The following ENOX1 variants were observed in gnomAD, a reference collection of about 807,000 sequenced individuals.
ENOX1 encodes ecto-NOX disulfide-thiol exchanger 1.
Under a neutral mutation model 82.5 loss-of-function variants are expected in ENOX1, and 42 were observed. That is an observed-to-expected ratio of 0.51 (90% CI 0.40 to 0.66). The LOEUF (loss-of-function observed/expected upper bound fraction) is 0.66, where lower values mean the gene tolerates loss of function less well. Among genes scored for constraint, ENOX1 ranks in the 30% least tolerant of loss-of-function variants. The probability of loss-of-function intolerance (pLI) is 0.00; values close to 1 mark genes in which losing one functional copy is unlikely to be tolerated. For synonymous variants in ENOX1, 271 were observed against 282.2 expected (o/e 0.96, Z 0.40); for missense variants, 608 against 811.6 (o/e 0.75, Z 3.05).
At chr13:43,757,604 GCCATAGA>G (rs1337891618) in intron 1 of ENOX1, among the ~76,000 whole-genome samples, 1 of 152,174 alleles carries the variant, frequency 6.6e-6, no homozygotes, top group Non-Finnish European at 1.5e-5. Flanking sequence ...GCAAATTAAA[GCCATAGA>G]GAGGTATCAA....
At chr13:43,747,026 G>A (rs1950058227) in intron 1 of ENOX1, among the ~76,000 whole-genome samples, 1 of 152,110 alleles carries the variant, frequency 6.6e-6, no homozygotes, top group Non-Finnish European at 1.5e-5. Context: ...TCAGCTATTG[G>A]GACCTCCCCT....
intron 2 of ENOX1, among the ~76,000 whole-genome samples, chr13:43,640,117 T>G (rs1196086966): frequency 6.6e-6 from 1 of 152,232 alleles, no homozygotes; most frequent in Non-Finnish European, 1.5e-5. Flanking sequence ...AAATTAGTCT[T>G]ACAATATTTT....
chr13:43,229,734 G>A (rs1204446560), intron 15 of ENOX1, among the ~76,000 whole-genome samples: 1 of 152,200 alleles, frequency 6.6e-6, no homozygotes, highest in Non-Finnish European at 1.5e-5. Context: ...ACTGCAAAGG[G>A]AGAAGCGGAC....
chr13:43,645,710 C>T (rs2083867143), intron 2 of ENOX1, among the ~76,000 whole-genome samples: 1 of 139,860 alleles, frequency 7.2e-6, no homozygotes, highest in Admixed American at 7.7e-5. Flanking sequence ...TTTAGTAGAA[C>T]TCAGTAAGTG....
chr13:43,452,610 T>C (rs1275173705), intron 3 of ENOX1, among the ~76,000 whole-genome samples: 1 of 152,046 alleles, frequency 6.6e-6, no homozygotes, highest in Non-Finnish European at 1.5e-5. Context: ...GCAACCTCTG[T>C]CTCCTGGGTT....
intron 2 of ENOX1, among the ~76,000 whole-genome samples, chr13:43,654,851 A>G (rs1016761674): frequency 6.6e-6 from 1 of 152,198 alleles, no homozygotes; most frequent in East Asian, 1.9e-4. Flanking sequence ...TCATTTATGT[A>G]TAGTCTGAAA....
chr13:43,224,642 A>G (rs149144603), intron 15 of ENOX1, among the ~76,000 whole-genome samples: 3 of 152,362 alleles, frequency 2.0e-5, no homozygotes, highest in East Asian at 1.9e-4. Context: ...AAGGAAGCCC[A>G]AATTCTTCCT....
chr13:43,452,306 AT>A (rs2057011151), intron 3 of ENOX1, among the ~76,000 whole-genome samples: 2 of 151,742 alleles, frequency 1.3e-5, no homozygotes. Context: ...GGTGTGTGAT[AT>A]TCCCCTCCCT....
At chr13:43,528,593 ATC>A (rs2078079606) in intron 2 of ENOX1, among the ~76,000 whole-genome samples, 1 of 152,078 alleles carries the variant, frequency 6.6e-6, no homozygotes, top group South Asian at 2.1e-4. Flanking sequence ...AAAAAATTGT[ATC>A]TCTTATCTTG....
intron 2 of ENOX1, among the ~76,000 whole-genome samples, chr13:43,523,724 CT>C (rs1472264211): frequency 6.6e-6 from 1 of 152,088 alleles, no homozygotes; most frequent in African/African-American, 2.4e-5. Flanking sequence ...CTGAGGCCCC[CT>C]ATGCTAGAAG....
chr13:43,542,995 CA>C (rs999490056), intron 2 of ENOX1, among the ~76,000 whole-genome samples: 46 of 152,124 alleles, frequency 3.0e-4, no homozygotes, highest in Non-Finnish European at 3.1e-4. Context: ...AATCACCTCC[CA>C]AAGGCCCTAC....
At chr13:43,528,468 CAT>C (rs1255514979) in intron 2 of ENOX1, among the ~76,000 whole-genome samples, 1 of 152,078 alleles carries the variant, frequency 6.6e-6, no homozygotes, top group African/African-American at 2.4e-5. Flanking sequence ...ACCAAAAGCA[CAT>C]AGATGAGAAT....
chr13:43,563,231 G>C (rs1241855508), intron 2 of ENOX1, among the ~76,000 whole-genome samples: 1 of 152,044 alleles, frequency 6.6e-6, no homozygotes, highest in Admixed American at 6.5e-5. Flanking sequence ...CAAACAACAA[G>C]AGGAATTTTG....
intron 3 of ENOX1, among the ~76,000 whole-genome samples, chr13:43,418,078 G>T (rs577555119): frequency 1.3e-5 from 2 of 152,042 alleles, no homozygotes; most frequent in Admixed American, 6.6e-5. Flanking sequence ...CAATGGTGGC[G>T]CATGCCTGTA....
intron 3 of ENOX1, among the ~76,000 whole-genome samples, chr13:43,463,640 G>T (rs1366988547): frequency 1.3e-5 from 2 of 152,134 alleles, no homozygotes; most frequent in Non-Finnish European, 2.9e-5. Flanking sequence ...CGCACCATGT[G>T]AAATTTTTGT....
At chr13:43,342,655 G>T (rs2049137155) in intron 9 of ENOX1, among the ~76,000 whole-genome samples, 1 of 152,154 alleles carries the variant, frequency 6.6e-6, no homozygotes, top group Admixed American at 6.5e-5. Flanking sequence ...CCAAAGTGTA[G>T]CCTCCAGGTA....
At chr13:43,765,050 T>C (rs145116511) in intron 1 of ENOX1, among the ~76,000 whole-genome samples, 39 of 152,288 alleles carry the variant, frequency 2.6e-4, no homozygotes, top group African/African-American at 9.1e-4. Flanking sequence ...CCTTAACTGA[T>C]CCATAGGAAC....
At chr13:43,668,037 T>C (rs148913415) in intron 1 of ENOX1, among the ~76,000 whole-genome samples, 2 of 152,354 alleles carry the variant, frequency 1.3e-5, no homozygotes, top group African/African-American at 2.4e-5. Flanking sequence ...TACACACTTA[T>C]AAGCTTTCTC....
At chr13:43,558,665 AT>A (rs1320353900) in intron 2 of ENOX1, among the ~76,000 whole-genome samples, 1 of 152,148 alleles carries the variant, frequency 6.6e-6, no homozygotes, top group Non-Finnish European at 1.5e-5. Flanking sequence ...TGGACGATTC[AT>A]TTGTTTTCTT....
Sources: allele counts gnomAD v4.1 joint callset (sites outside exome capture counted in the v4.1 genomes callset), GRCh38; gene constraint gnomAD v4.1.1; transcripts MANE v1.5; gene names NCBI Gene and HGNC (gene_info 2026-07-23, HGNC 2026-07-21).